The following SLC9A9 variants were observed in gnomAD, a reference collection of about 807,000 sequenced individuals.
The protein encoded by SLC9A9 is solute carrier family 9 member A9.
A neutral mutation model predicts 77.8 loss-of-function variants in SLC9A9; 62 were observed. The observed-to-expected ratio is 0.80, with a 90% CI of 0.65 to 0.98. The LOEUF (loss-of-function observed/expected upper bound fraction) is 0.98. Ranked by LOEUF, SLC9A9 falls within the 50% of genes least tolerant of loss-of-function variation. The probability of loss-of-function intolerance (pLI) is 0.00; values close to 1 mark genes in which losing one functional copy is unlikely to be tolerated. For synonymous variants in SLC9A9, 320 were observed against 283.5 expected (o/e 1.13, Z -1.29); for missense variants, 775 against 774.9 (o/e 1.00, Z 0.00).
chr3:143,405,224 A>T lies in SLC9A9; in HGVS notation c.1470-23110T>A, dbSNP rs140936965. Among the ~76,000 whole-genome samples the T allele has an allele frequency of 7.7e-3, 1,173 of 152,148 alleles. 8 individuals carry two copies. The highest frequency in any genetic ancestry group is 0.024 in the South Asian group (113 of 4,808). On this transcript the variant is annotated intron_variant, in intron 12 of 15. Coordinates refer to ENST00000316549, the MANE Select transcript of SLC9A9 (RefSeq NM_173653.4). ...TTCAAGTGCTATTAGTCTCCACTTCATTGCTTGCCACTGAGATGTCTATTC... is the reference window on the plus strand; with the variant it reads ...TTCAAGTGCTATTAGTCTCCACTTCTTTGCTTGCCACTGAGATGTCTATTC...
intron 4 of SLC9A9, among the ~76,000 whole-genome samples, chr3:143,783,540 G>A (rs755708225): frequency 2.6e-5 from 4 of 152,040 alleles, no homozygotes; most frequent in African/African-American, 9.7e-5. Flanking sequence ...GGTAAAGTAT[G>A]GAATATTCAC....
chr3:143,451,237 C>T (rs58015348), intron 12 of SLC9A9, among the ~76,000 whole-genome samples: 6 of 152,230 alleles, frequency 3.9e-5, no homozygotes, highest in Admixed American at 1.3e-4. Flanking sequence ...AAACAGCTAT[C>T]TGTACTGAGT....
chr3:143,502,748 G>A (rs985997510), intron 9 of SLC9A9, among the ~76,000 whole-genome samples: 3 of 151,990 alleles, frequency 2.0e-5, no homozygotes, highest in East Asian at 1.9e-4. Flanking sequence ...CGTTGAAACC[G>A]AGATGTTAAA....
At chr3:143,573,923 T>C (rs1245102754) in intron 8 of SLC9A9, among the ~76,000 whole-genome samples, 165 bp downstream of exon 8, 2 of 152,134 alleles carry the variant, frequency 1.3e-5, no homozygotes, top group Non-Finnish European at 2.9e-5. Flanking sequence ...TACTATTATT[T>C]TTTCTCTCCA....
chr3:143,371,220 T>G (rs1294997189), intron 13 of SLC9A9, among the ~76,000 whole-genome samples: 1 of 152,200 alleles, frequency 6.6e-6, no homozygotes, highest in African/African-American at 2.4e-5. Context: ...CACATAGTGC[T>G]AAGAAACACT....
At chr3:143,288,636 C>T (rs1341176447) in intron 14 of SLC9A9, among the ~76,000 whole-genome samples, 1 of 152,134 alleles carries the variant, frequency 6.6e-6, no homozygotes, top group African/African-American at 2.4e-5. Flanking sequence ...GCAGATGCCT[C>T]CTCCTACAGC....
In SLC9A9 at chr3:143,735,128, C is replaced by G. The variant is rs185887224; in HGVS notation, c.534-41821G>C. ...ATTAATATATGAGACAGCCACACTT[C>G]CTGTCCTTTTGGTAAAATAAAAATG... On this transcript the variant is annotated intron_variant, in intron 4 of 15. Transcript: ENST00000316549. Among the ~76,000 whole-genome samples, 502 of 152,312 alleles carry G rather than the reference C, an allele frequency of 3.3e-3. 5 individuals are homozygous for G. Among genetic ancestry groups the G allele is most frequent in the African/African-American group, 0.011 (471 of 41,560 alleles).
intron 6 of SLC9A9, among the ~76,000 whole-genome samples, chr3:143,602,301 T>C (rs924026767): frequency 4.6e-5 from 7 of 152,208 alleles, no homozygotes; most frequent in Non-Finnish European, 8.8e-5. Flanking sequence ...TGCATGCTCC[T>C]GACATCAGCT....
intron 6 of SLC9A9, among the ~76,000 whole-genome samples, chr3:143,617,237 C>A (rs2038120552): frequency 6.6e-6 from 1 of 152,174 alleles, no homozygotes; most frequent in African/African-American, 2.4e-5. Context: ...CTATAGTCAG[C>A]CTAATCCATT....
chr3:143,620,925 C>T lies in SLC9A9; in HGVS notation c.755+31330G>A, dbSNP rs146118268. The stretch of plus-strand genomic sequence containing the variant: ...TCGGGTCACTCCCACCCTAATACTG[C>T]GCTTTTCCAATGGTCTTAGCAAACG... On this transcript the variant is annotated intron_variant, in intron 6 of 15. Transcript: ENST00000316549. Among the ~76,000 whole-genome samples, 22 of 152,316 alleles carry T rather than the reference C, an allele frequency of 1.4e-4. No individual in the cohort carries two copies. In the East Asian group the frequency reaches 2.1e-3, roughly 15 times the overall value.
intron 11 of SLC9A9, among the ~76,000 whole-genome samples, chr3:143,483,182 T>A (rs2035600218): frequency 6.6e-6 from 1 of 152,222 alleles, no homozygotes; most frequent in African/African-American, 2.4e-5. Context: ...CTAGTCGTCA[T>A]GTGTGTAGAC....
intron 5 of SLC9A9, among the ~76,000 whole-genome samples, chr3:143,680,958 T>G (rs2108773196): frequency 6.6e-6 from 1 of 152,232 alleles, no homozygotes; most frequent in South Asian, 2.1e-4. Context: ...AAGACTTAGG[T>G]ATTTATTCCC....
chr3:143,478,252 G>A (rs1460482497), intron 11 of SLC9A9, among the ~76,000 whole-genome samples: 1 of 152,218 alleles, frequency 6.6e-6, no homozygotes, highest in African/African-American at 2.4e-5. Flanking sequence ...ACTTCGACTT[G>A]TGGCATTTAA....
intron 9 of SLC9A9, chr3:143,517,851 C>T (rs189144266): frequency 1.3e-5 from 20 of 1,596,522 alleles, no homozygotes; most frequent in Non-Finnish European, 1.7e-5. Flanking sequence ...AGTTCACCAT[C>T]GTTTAGGGCT....
intron 5 of SLC9A9, among the ~76,000 whole-genome samples, chr3:143,660,803 T>C (rs1242056): frequency 0.34 from 52,013 of 152,010 alleles, 10,348 homozygotes; most frequent in African/African-American, 0.57. Context: ...CCTCCCCTTA[T>C]CCCACCACTG....
intron 6 of SLC9A9, among the ~76,000 whole-genome samples, chr3:143,606,430 C>CTA (rs745429920): frequency 6.6e-4 from 42 of 63,338 alleles, no homozygotes; most frequent in African/African-American, 1.1e-3. Context: ...CTCTCTCTCT[C>CTA]TCTCTCTATA....
chr3:143,574,199 G>T lies in SLC9A9; in HGVS notation c.895-6C>A, dbSNP rs1305617953. ...AGCTTGGTAAATTTGGTCAAGTGAG[G>T]AAGATAAGTTAAGGGAAACAACAAC... On this transcript the variant is annotated splice_region_variant and splice_polypyrimidine_tract_variant and intron_variant, in intron 7 of 15. Transcript: ENST00000316549. 6.2e-7 allele frequency: 1 copy of T among 1,610,054 alleles called. No individual in the cohort carries two copies. The highest frequency in any genetic ancestry group is 8.5e-7 in the Non-Finnish European group (1 of 1,177,042).
At chr3:143,419,300 G>T (rs562314615) in intron 12 of SLC9A9, among the ~76,000 whole-genome samples, 3 of 152,032 alleles carry the variant, frequency 2.0e-5, no homozygotes, top group Admixed American at 2.0e-4. Context: ...CCATTTTGCA[G>T]GGGGGGCACA....
At chr3:143,808,554 C>A (rs1486483740) in intron 2 of SLC9A9, among the ~76,000 whole-genome samples, 1 of 152,146 alleles carries the variant, frequency 6.6e-6, no homozygotes, top group African/African-American at 2.4e-5. Flanking sequence ...ACCTCACTGA[C>A]CTCTGGCTTT....
Sources: allele counts gnomAD v4.1 joint callset (sites outside exome capture counted in the v4.1 genomes callset), GRCh38; gene constraint gnomAD v4.1.1; transcripts MANE v1.5; gene names NCBI Gene and HGNC (gene_info 2026-07-23, HGNC 2026-07-21).